The following OCA2 variants were observed in gnomAD, a reference collection of about 807,000 sequenced individuals.
The protein encoded by OCA2 is OCA2 melanosomal transmembrane protein.
OCA2 carries 77 observed loss-of-function variants against 100.2 expected under a neutral mutation model. That is an observed-to-expected ratio of 0.77 (90% CI 0.64 to 0.93). The LOEUF (loss-of-function observed/expected upper bound fraction) is 0.93, where lower values mean the gene tolerates loss of function less well. Ranked by LOEUF, OCA2 falls within the 40% of genes least tolerant of loss-of-function variation. The probability of loss-of-function intolerance (pLI) is 0.00; values close to 1 mark genes in which losing one functional copy is unlikely to be tolerated. For synonymous variants in OCA2, 432 were observed against 439.2 expected (o/e 0.98, Z 0.21); for missense variants, 1,062 against 1,089.1 (o/e 0.98, Z 0.35).
rs536252212 is a variant in OCA2 at position 27,757,721 on chromosome 15, TCTTATAAATCC to T, written c.2433-2260_2433-2250del. On this transcript the variant is annotated intron_variant, in intron 23 of 23. Transcript: ENST00000354638. ...AGCTATGAGGATTCCATGAGTTCAC[TCTTATAAATCC>T]CTTAGAACAGTGAGAACAGTGGCCA... Among the ~76,000 whole-genome samples the T allele has an allele frequency of 3.9e-5, 6 of 152,330 alleles. No individual in the cohort carries two copies. The South Asian group carries it at 1.2e-3, about 32-fold the overall frequency.
At position 28,022,500 on chromosome 15, in the gene OCA2, C is replaced by T. The variant is rs1046172334; in HGVS notation, c.646+1G>A. The T allele has an allele frequency of 1.9e-6, 3 of 1,610,704 alleles. No homozygotes were observed. Among genetic ancestry groups the T allele is most frequent in the African/African-American group, 2.7e-5 (2 of 74,984 alleles). ...GCCATCTCAGAGTGGATTTTGGATA[C>T]AGTAGTTCTCCAGCGGTGATAAGGC... On this transcript the variant is annotated splice_donor_variant, in intron 6 of 23. Transcript: ENST00000354638. LOFTEE classifies it high-confidence loss of function.
downstream of OCA2, among the ~76,000 whole-genome samples, chr15:27,751,883 AAC>A (rs2030076460): frequency 6.6e-6 from 1 of 152,242 alleles, no homozygotes. Flanking sequence ...GACTGTGGAA[AAC>A]AGAGTGACTA....
chr15:27,765,596 G>A (rs1196797947), intron 23 of OCA2, among the ~76,000 whole-genome samples: 2 of 152,220 alleles, frequency 1.3e-5, no homozygotes, highest in African/African-American at 2.4e-5. Flanking sequence ...ACACTTACAT[G>A]TAGACATACA....
intron 19 of OCA2, among the ~76,000 whole-genome samples, chr15:27,890,859 C>A (rs1195874589): frequency 6.6e-6 from 1 of 152,086 alleles, no homozygotes; most frequent in Non-Finnish European, 1.5e-5. Flanking sequence ...AACCCTGTCT[C>A]TACTAAAAAT....
chr15:27,733,302 C>T, the OCA2 span, among the ~76,000 whole-genome samples: 1 of 152,202 alleles, frequency 6.6e-6, no homozygotes, highest in African/African-American at 2.4e-5. Context: ...TAGAAACCAG[C>T]AGACTGCCCA....
the OCA2 span, among the ~76,000 whole-genome samples, chr15:27,743,403 A>C: frequency 6.6e-6 from 1 of 152,168 alleles, no homozygotes; most frequent in Non-Finnish European, 1.5e-5. Context: ...ATCAGCTACA[A>C]TCCAACAAAA....
At chr15:27,798,264 G>A (rs996789145) in intron 23 of OCA2, among the ~76,000 whole-genome samples, 3 of 152,182 alleles carry the variant, frequency 2.0e-5, no homozygotes, top group Admixed American at 6.5e-5. Flanking sequence ...GAGGCTGACC[G>A]GAGCTCTTGT....
chr15:27,806,117 G>T (rs1037060292), intron 23 of OCA2, among the ~76,000 whole-genome samples: 4 of 152,172 alleles, frequency 2.6e-5, no homozygotes, highest in Admixed American at 6.5e-5. Flanking sequence ...GGCACCAGCC[G>T]CATGCTGGCT....
chr15:27,975,478 G>A (rs2040936565), intron 14 of OCA2, among the ~76,000 whole-genome samples: 1 of 152,154 alleles, frequency 6.6e-6, no homozygotes, highest in Non-Finnish European at 1.5e-5. Context: ...GAGAGGTGTG[G>A]ACTAAAGTTC....
intron 19 of OCA2, among the ~76,000 whole-genome samples, chr15:27,881,921 T>C (rs2037034739): frequency 6.6e-6 from 1 of 152,118 alleles, no homozygotes; most frequent in Non-Finnish European, 1.5e-5. Flanking sequence ...AGCTTTAGGG[T>C]TTGTTTGCTC....
At chr15:28,048,079 T>C (rs2043396047) in intron 2 of OCA2, among the ~76,000 whole-genome samples, 1 of 152,198 alleles carries the variant, frequency 6.6e-6, no homozygotes, top group African/African-American at 2.4e-5. Context: ...AAAAGACGTG[T>C]ACACTAAAAA....
At chr15:28,096,700 G>A (rs1437014227) in intron 1 of OCA2, among the ~76,000 whole-genome samples, 3 of 152,212 alleles carry the variant, frequency 2.0e-5, no homozygotes, top group Non-Finnish European at 2.9e-5. Context: ...AGAACGTTAA[G>A]CCAAACATCG....
chr15:27,869,804 G>A (rs1024366860), intron 21 of OCA2, among the ~76,000 whole-genome samples: 2 of 152,256 alleles, frequency 1.3e-5, no homozygotes, highest in Non-Finnish European at 2.9e-5. Context: ...TGAATGCACA[G>A]GATGAAGCTG....
chr15:28,013,152 C>T (rs1354746964), intron 9 of OCA2, among the ~76,000 whole-genome samples: 1 of 152,152 alleles, frequency 6.6e-6, no homozygotes, highest in Admixed American at 6.5e-5. Context: ...CCCCTGCACA[C>T]CTGTGAAGCA....
At chr15:27,724,267 G>A in the OCA2 span, among the ~76,000 whole-genome samples, 41 of 152,276 alleles carry the variant, frequency 2.7e-4, no homozygotes, top group African/African-American at 8.7e-4. Flanking sequence ...TCAGGGTGTC[G>A]GCAGAGGTGG....
chr15:27,764,023 CAGAGAGAG>C (rs993912485), intron 23 of OCA2, among the ~76,000 whole-genome samples: 1 of 151,026 alleles, frequency 6.6e-6, no homozygotes, highest in African/African-American at 2.4e-5. Flanking sequence ...TGGAGAGAGA[CAGAGAGAG>C]AGGTAGGAGG....
the OCA2 span, among the ~76,000 whole-genome samples, chr15:27,724,646 T>C: frequency 6.6e-6 from 1 of 152,156 alleles, no homozygotes; most frequent in Admixed American, 6.5e-5. Context: ...CCAGCTGCCC[T>C]GTGCTTCTAG....
chr15:27,881,832 C>A (rs1190697897), intron 19 of OCA2, among the ~76,000 whole-genome samples: 1 of 152,106 alleles, frequency 6.6e-6, no homozygotes. Context: ...CTCCTAGATT[C>A]ATTGATTATT....
chr15:27,884,258 G>A (rs567492585), intron 19 of OCA2, among the ~76,000 whole-genome samples: 70 of 152,286 alleles, frequency 4.6e-4, no homozygotes, highest in Non-Finnish European at 7.5e-4. Context: ...CAAGCCTGTA[G>A]TCCCAGCTCC....
Sources: gnomAD v4.1 joint callset for allele counts (sites outside exome capture counted in the v4.1 genomes callset) on GRCh38, gnomAD v4.1.1 for gene constraint, MANE v1.5 for transcripts, NCBI Gene and HGNC (gene_info 2026-07-23, HGNC 2026-07-21) for gene names.